CTIF: variants seen among roughly 807,000 people sequenced by gnomAD.
The protein encoded by CTIF is CBP80/20-dependent translation initiation factor.
CTIF carries 21 observed loss-of-function variants against 66.0 expected under a neutral mutation model. That is an observed-to-expected ratio of 0.32 (90% CI 0.23 to 0.46). The LOEUF is 0.46. CTIF is among the 20% of genes least tolerant of loss of function. The pLI is 1.00. For synonymous variants in CTIF, 345 were observed against 326.4 expected (o/e 1.06, Z -0.62); for missense variants, 739 against 812.7 (o/e 0.91, Z 1.10).
chr18:48,687,962 G>A (rs1474967942), intron 6 of CTIF, among the ~76,000 whole-genome samples: 3 of 152,184 alleles, frequency 2.0e-5, no homozygotes, highest in African/African-American at 7.2e-5. Context: ...AACAATCCAC[G>A]CATTCTGCAG....
chr18:48,838,995 T>TCC (rs1280035002), intron 10 of CTIF, among the ~76,000 whole-genome samples: 5 of 152,148 alleles, frequency 3.3e-5, no homozygotes, highest in African/African-American at 1.2e-4. Flanking sequence ...GAGAAGGACC[T>TCC]CCAGGCTGTG....
At chr18:48,555,079 T>C (rs2088985038) in intron 1 of CTIF, among the ~76,000 whole-genome samples, 1 of 152,028 alleles carries the variant, frequency 6.6e-6, no homozygotes, top group South Asian at 2.1e-4. Context: ...CCCTTCTCTG[T>C]ACATCTCTTT....
intron 6 of CTIF, among the ~76,000 whole-genome samples, chr18:48,694,137 A>G (rs1305804694): frequency 6.6e-6 from 1 of 152,210 alleles, no homozygotes; most frequent in Non-Finnish European, 1.5e-5. Flanking sequence ...TCTGGTCCCA[A>G]AGACTCTCTT....
intron 9 of CTIF, among the ~76,000 whole-genome samples, chr18:48,776,971 A>G (rs958344790): frequency 1.3e-5 from 2 of 152,226 alleles, no homozygotes; most frequent in Non-Finnish European, 2.9e-5. Context: ...TTCCTCACCC[A>G]TAAAACATGG....
chr18:48,783,679 A>G (rs550997956), intron 9 of CTIF, among the ~76,000 whole-genome samples: 27 of 151,264 alleles, frequency 1.8e-4, no homozygotes, highest in African/African-American at 6.3e-4. Context: ...TTTCCACCCC[A>G]CCCCACCTCC....
rs191381791 is a variant in CTIF, at chr18:48,633,215, A to C, written c.181-3399A>C. Reference sequence around the variant, plus strand: ...CTAGGATGGGATGAGGAGTGCAAGCATGGCCTCATGTTCCCTCCAGCCAGT... The same window carrying C: ...CTAGGATGGGATGAGGAGTGCAAGCCTGGCCTCATGTTCCCTCCAGCCAGT... On this transcript the variant is annotated intron_variant, in intron 2 of 11. Coordinates refer to ENST00000256413, the MANE Select transcript of CTIF (RefSeq NM_014772.3). Among the ~76,000 whole-genome samples, 3 of 152,268 alleles carry C rather than the reference A, an allele frequency of 2.0e-5. No individual in the cohort carries two copies. In the East Asian group the frequency reaches 5.8e-4, roughly 29 times the overall value.
intron 9 of CTIF, among the ~76,000 whole-genome samples, chr18:48,781,600 G>C (rs531546184): frequency 6.6e-6 from 1 of 152,286 alleles, no homozygotes; most frequent in African/African-American, 2.4e-5. Context: ...TCTGGGTTGT[G>C]AAAGTGACCT....
chr18:48,799,505 A>G (rs151180482), intron 9 of CTIF, among the ~76,000 whole-genome samples: 2 of 152,216 alleles, frequency 1.3e-5, no homozygotes, highest in African/African-American at 4.8e-5. Context: ...GGACACTGGC[A>G]TGGGACGTAT....
At chr18:48,836,272 C>G (rs771962847) in intron 10 of CTIF, among the ~76,000 whole-genome samples, 6 of 152,186 alleles carry the variant, frequency 3.9e-5, no homozygotes, top group African/African-American at 9.7e-5. Flanking sequence ...CAGGTGCCCC[C>G]TCTTGAGCAC....
At position 48,761,483 on chromosome 18, in the gene CTIF, G is replaced by C. The variant is rs751006365; in HGVS notation, c.1165G>C (p.Val389Leu). 6.2e-7 allele frequency: 1 copy of C among 1,614,180 alleles called. No homozygotes were observed. Among genetic ancestry groups the C allele is most frequent in the East Asian group, 2.2e-5 (1 of 44,884 alleles). ...LNSMRNNSSDVDTKLTTFMEE... is the reference protein window; with the variant it reads ...LNSMRNNSSDLDTKLTTFMEE... ...CAGCATGCGGAACAACAGCAGCGAC[G>C]TGGACACCAAGCTCACCACCTTCAT... is the stretch of plus-strand genomic sequence containing the variant. The change falls in exon 9 of 12, where the codon GTG becomes CTG. Residue 389 changes from valine (V) to leucine (L), a missense_variant. Physicochemically the swap from Val to Leu is conservative, Grantham distance 32. This residue lies in a region of CTIF where 210 missense variants were observed against 292.3 expected (regional missense o/e 0.72). Transcript: ENST00000256413. This position sits in a 1 kb window ranked among gnomAD's most constrained non-coding sequence, Gnocchi z 4.2.
In CTIF at chr18:48,670,658, T is replaced by A; in HGVS notation, c.432-11T>A. On this transcript the variant is annotated splice_polypyrimidine_tract_variant and intron_variant, in intron 5 of 11. Transcript: ENST00000256413. ...CATCTTTCCAATGCCTTTCTGTCTT[T>A]TCTGGTCCAGGTGTGGCAAAGGGAA... 6.2e-7 allele frequency: 1 copy of A among 1,613,358 alleles called. No homozygotes were observed. Among genetic ancestry groups the A allele is most frequent in the South Asian group, 1.1e-5 (1 of 91,070 alleles).
intron 3 of CTIF, among the ~76,000 whole-genome samples, chr18:48,656,964 T>C (rs908349459): frequency 6.6e-6 from 1 of 152,202 alleles, no homozygotes; most frequent in African/African-American, 2.4e-5. Context: ...CCACTGAGTC[T>C]GTGCGAAGAA....
chr18:48,546,953 T>C (rs1219679434), intron 1 of CTIF, among the ~76,000 whole-genome samples: 1 of 152,070 alleles, frequency 6.6e-6, no homozygotes, highest in African/African-American at 2.4e-5. Flanking sequence ...AGAGAGAAAT[T>C]AGCATGTAAA....
rs747092731 is a variant in CTIF, at chr18:48,619,658, C to T, written c.93C>T (p.Tyr31=). 2.8e-5 allele frequency: 45 copies of T among 1,607,016 alleles called. No individual in the cohort carries two copies. Among genetic ancestry groups the T allele is most frequent in the South Asian group, 7.8e-5 (7 of 89,218 alleles). ...AGCTGGAGCGCTTCATCGACAGCTA[C>T]GTGCTGGAGTACCAGGTGCAGGGGC... ...IEELERFIDS[Y]VLEYQVQGLL... Residue 31 remains tyrosine (Y), a synonymous_variant, in exon 2 of 12, where the codon TAC becomes TAT. Coordinates refer to ENST00000256413, the MANE Select transcript of CTIF (RefSeq NM_014772.3).
chr18:48,636,048 G>A (rs995097472), intron 2 of CTIF, among the ~76,000 whole-genome samples: 1 of 152,228 alleles, frequency 6.6e-6, no homozygotes, highest in East Asian at 1.9e-4. Flanking sequence ...TCGTGCAGAT[G>A]GTTGTCAGAC....
intron 6 of CTIF, among the ~76,000 whole-genome samples, chr18:48,710,482 G>A (rs970718677): frequency 2.0e-5 from 3 of 152,130 alleles, no homozygotes; most frequent in Admixed American, 2.0e-4. Context: ...ACCCCAGGCC[G>A]CTCATAATGG....
intron 3 of CTIF, among the ~76,000 whole-genome samples, chr18:48,637,174 G>A (rs556677775): frequency 4.6e-4 from 70 of 152,156 alleles, no homozygotes; most frequent in Non-Finnish European, 8.7e-4. Flanking sequence ...TCAGAGACCT[G>A]TCCATCCCCC....
At chr18:48,675,279 C>T (rs1161394421) in intron 6 of CTIF, among the ~76,000 whole-genome samples, 7 of 152,188 alleles carry the variant, frequency 4.6e-5, no homozygotes, top group Non-Finnish European at 1.0e-4. Flanking sequence ...AGGGGTTGGC[C>T]AGGCTACCAC....
At chr18:48,622,328 G>A (rs1020078167) in intron 2 of CTIF, among the ~76,000 whole-genome samples, 1 of 152,124 alleles carries the variant, frequency 6.6e-6, no homozygotes, top group African/African-American at 2.4e-5. Flanking sequence ...ATCAGAGGTG[G>A]AGGAATGCAG....
Sources: allele counts gnomAD v4.1 joint callset (sites outside exome capture counted in the v4.1 genomes callset), GRCh38; gene constraint gnomAD v4.1.1; regional missense constraint gnomAD v4.1.1; non-coding constraint Gnocchi (gnomAD v3.1); transcripts MANE v1.5; gene names NCBI Gene and HGNC (gene_info 2026-07-23, HGNC 2026-07-21).